Variants in RPS6KC1 observed in about 807,000 individuals in gnomAD.
RPS6KC1 encodes ribosomal protein S6 kinase C1.
RPS6KC1 carries 54 observed loss-of-function variants against 103.8 expected under a neutral mutation model. The observed-to-expected ratio is 0.52, with a 90% CI of 0.42 to 0.65. RPS6KC1 has a LOEUF of 0.65. RPS6KC1 is among the 30% of genes least tolerant of loss of function. The pLI is 0.00. For missense variants in RPS6KC1, 1,151 were observed against 1,253.8 expected, an observed-to-expected ratio of 0.92 and a Z score of 1.24; for synonymous variants, 439 against 438.7, an observed-to-expected ratio of 1.00 and a Z score of -0.01.
At chr1:213,246,850 A>G (rs957225017) in intron 12 of RPS6KC1, among the ~76,000 whole-genome samples, 22 of 152,114 alleles carry the variant, frequency 1.4e-4, no homozygotes, top group Non-Finnish European at 2.1e-4. Flanking sequence ...GCGAATAGCT[A>G]CTGCACTCCA....
chr1:213,622,896 G>A, the RPS6KC1 span, among the ~76,000 whole-genome samples: 7 of 152,140 alleles, frequency 4.6e-5, no homozygotes, highest in Non-Finnish European at 1.0e-4. Context: ...GGCAGTGGTT[G>A]TGGCCTACAA....
In RPS6KC1 at chr1:213,241,746, G is replaced by A. The variant is rs2094358396; in HGVS notation, c.2270G>A (p.Gly757Glu). 6 of 1,613,792 alleles carry A rather than the reference G, an allele frequency of 3.7e-6. No homozygotes were observed. Among genetic ancestry groups the A allele is most frequent in the South Asian group, 2.2e-5 (2 of 91,082 alleles). Reference sequence around the variant, plus strand: ...ATAGAGGAACTGAGTGATCCCTCTGGGCCCAAATCCTATAGTATAACAGAG... The same window carrying A: ...ATAGAGGAACTGAGTGATCCCTCTGAGCCCAAATCCTATAGTATAACAGAG... The part of the protein sequence containing the change: ...KGIEELSDPS[G>E]PKSYSITEKH... The change falls in exon 11 of 15, where the codon GGG (glycine) becomes GAG (glutamate). Residue 757 changes from glycine to glutamate, a missense_variant. By Grantham distance (98) the Gly-to-Glu change is moderately conservative. Around this residue, in one of 3 missense-constraint regions of RPS6KC1, gnomAD observed 959 missense variants for 1,006.3 expected, o/e 0.95. Transcript: ENST00000366960.
the RPS6KC1 span, chr1:213,840,808 G>A: frequency 6.6e-6 from 1 of 152,158 alleles, no homozygotes; most frequent in African/African-American, 2.4e-5. Context: ...CAAACAACAA[G>A]TTGGAATGTA....
chr1:213,724,137 G>T, the RPS6KC1 span, among the ~76,000 whole-genome samples: 1 of 152,092 alleles, frequency 6.6e-6, no homozygotes, highest in Admixed American at 6.5e-5. Context: ...GCCCAGGCTG[G>T]AGTGCAGTGG....
the RPS6KC1 span, among the ~76,000 whole-genome samples, chr1:213,367,691 G>A: frequency 3.3e-5 from 5 of 152,274 alleles, no homozygotes; most frequent in East Asian, 1.9e-4. Flanking sequence ...ATGGTGCTTC[G>A]TGACATAGCT....
chr1:213,081,065 AC>A (rs2079833427), intron 3 of RPS6KC1, among the ~76,000 whole-genome samples: 1 of 152,174 alleles, frequency 6.6e-6, no homozygotes, highest in Non-Finnish European at 1.5e-5. Context: ...AAATATTTGG[AC>A]CATGCCTTTT....
chr1:213,447,451 A>G, the RPS6KC1 span, among the ~76,000 whole-genome samples: 10 of 152,332 alleles, frequency 6.6e-5, no homozygotes, highest in African/African-American at 1.9e-4. Context: ...ACAGATAACA[A>G]TACCCAAAAT....
the RPS6KC1 span, among the ~76,000 whole-genome samples, chr1:213,705,656 C>G: frequency 2.6e-5 from 4 of 152,210 alleles, no homozygotes; most frequent in Non-Finnish European, 5.9e-5. Flanking sequence ...CTCTGCTTTT[C>G]TCAAGTGGAA....
the RPS6KC1 span, among the ~76,000 whole-genome samples, chr1:213,511,266 G>C: frequency 2.6e-5 from 4 of 152,110 alleles, no homozygotes; most frequent in Non-Finnish European, 4.4e-5. Context: ...GAAAGACTAT[G>C]CAAGTGTGTG....
the RPS6KC1 span, among the ~76,000 whole-genome samples, chr1:213,696,700 A>T: frequency 6.6e-6 from 1 of 152,112 alleles, no homozygotes; most frequent in Non-Finnish European, 1.5e-5. Context: ...GGCTACCATT[A>T]TTCTTCAATT....
At chr1:213,778,462 A>T in the RPS6KC1 span, among the ~76,000 whole-genome samples, 1 of 152,004 alleles carries the variant, frequency 6.6e-6, no homozygotes, top group Non-Finnish European at 1.5e-5. Context: ...CTCCATATAA[A>T]TTTCCTTTCG....
chr1:213,709,919 G>A, the RPS6KC1 span, among the ~76,000 whole-genome samples: 1 of 152,140 alleles, frequency 6.6e-6, no homozygotes, highest in African/African-American at 2.4e-5. Context: ...TGCATTTGCT[G>A]TGGAGTGTTT....
the RPS6KC1 span, among the ~76,000 whole-genome samples, chr1:213,612,424 G>A: frequency 6.6e-6 from 1 of 152,132 alleles, no homozygotes; most frequent in Non-Finnish European, 1.5e-5. Context: ...AAGAGCCGAG[G>A]GCCTGAAATA....
intron 2 of RPS6KC1, among the ~76,000 whole-genome samples, chr1:213,075,975 C>G (rs2079300710): frequency 6.6e-6 from 1 of 152,068 alleles, no homozygotes; most frequent in South Asian, 2.1e-4. Context: ...TTGGACTGCC[C>G]CTCTCAGCAT....
chr1:213,227,255 G>A (rs927834406), intron 8 of RPS6KC1, among the ~76,000 whole-genome samples: 4 of 152,026 alleles, frequency 2.6e-5, no homozygotes, highest in Non-Finnish European at 4.4e-5. Flanking sequence ...CATTAGTACC[G>A]ACTTATTTTC....
chr1:213,283,535 G>A, the RPS6KC1 span, among the ~76,000 whole-genome samples: 12 of 152,304 alleles, frequency 7.9e-5, no homozygotes, highest in East Asian at 2.3e-3. Context: ...TAGCCAACTG[G>A]TGTTCACTGG....
chr1:213,746,260 A>G, the RPS6KC1 span, among the ~76,000 whole-genome samples: 2 of 152,246 alleles, frequency 1.3e-5, no homozygotes, highest in Non-Finnish European at 2.9e-5. Flanking sequence ...AACTTGTCAG[A>G]GTGGGCTTCT....
the RPS6KC1 span, among the ~76,000 whole-genome samples, chr1:213,662,367 T>G: frequency 6.6e-6 from 1 of 151,264 alleles, no homozygotes; most frequent in Admixed American, 6.6e-5. Flanking sequence ...GTTCAAGCAA[T>G]CCTCCAATCT....
At chr1:213,198,144 G>T (rs916964474) in intron 8 of RPS6KC1, among the ~76,000 whole-genome samples, 5 of 152,068 alleles carry the variant, frequency 3.3e-5, no homozygotes, top group Non-Finnish European at 7.4e-5. Flanking sequence ...GTGCTGGCTT[G>T]GTAGTGGCAT....
Sources: allele counts gnomAD v4.1 joint callset (sites outside exome capture counted in the v4.1 genomes callset), GRCh38; gene constraint gnomAD v4.1.1; regional missense constraint gnomAD v4.1.1; transcripts MANE v1.5; gene names NCBI Gene and HGNC (gene_info 2026-07-23, HGNC 2026-07-21).